The following PITPNC1 variants were observed in gnomAD, a reference collection of about 807,000 sequenced individuals.
PITPNC1 encodes cytoplasmic phosphatidylinositol transfer protein 1.
PITPNC1 carries 18 observed loss-of-function variants against 44.7 expected under a neutral mutation model. The ratio of observed to expected loss-of-function variants is 0.40; its 90% CI spans 0.28 to 0.60. PITPNC1 has a LOEUF of 0.60. PITPNC1 is among the 20% of genes least tolerant of loss of function. The pLI, the probability that PITPNC1 is intolerant of heterozygous loss-of-function variation, is 0.39. For missense variants in PITPNC1, 290 were observed against 418.4 expected, an observed-to-expected ratio of 0.69 and a Z score of 2.68; for synonymous variants, 141 against 149.6, an observed-to-expected ratio of 0.94 and a Z score of 0.42.
intron 6 of PITPNC1, among the ~76,000 whole-genome samples, chr17:67,635,214 TTA>T (rs1231344626): frequency 2.0e-5 from 3 of 152,104 alleles, no homozygotes; most frequent in African/African-American, 7.2e-5. Flanking sequence ...CTATTGTGAT[TTA>T]TATTGTCGGT....
At chr17:67,566,693 T>C (rs2040985165) in intron 4 of PITPNC1, among the ~76,000 whole-genome samples, 1 of 152,308 alleles carries the variant, frequency 6.6e-6, no homozygotes, top group South Asian at 2.1e-4. Flanking sequence ...TTTTCCTGAT[T>C]TGGGTTTGTT....
At chr17:67,543,992 A>G (rs1217478405) in intron 2 of PITPNC1, among the ~76,000 whole-genome samples, 1 of 152,198 alleles carries the variant, frequency 6.6e-6, no homozygotes, top group East Asian at 1.9e-4. Context: ...CTGGGATTAT[A>G]GACACCTGCT....
intron 1 of PITPNC1, among the ~76,000 whole-genome samples, chr17:67,428,372 A>G (rs73338125): frequency 0.042 from 6,419 of 151,790 alleles, 460 homozygotes; most frequent in African/African-American, 0.15. Flanking sequence ...CCATCTTTTT[A>G]AAAAATAAAA....
At chr17:67,475,724 G>A (rs1337919713) in intron 1 of PITPNC1, among the ~76,000 whole-genome samples, 1 of 152,218 alleles carries the variant, frequency 6.6e-6, no homozygotes, top group Non-Finnish European at 1.5e-5. Flanking sequence ...GACTGGAAGG[G>A]GAGGGAATGC....
At chr17:67,641,866 G>A (rs1785305314) in intron 6 of PITPNC1, among the ~76,000 whole-genome samples, 1 of 151,644 alleles carries the variant, frequency 6.6e-6, no homozygotes, top group Non-Finnish European at 1.5e-5. Flanking sequence ...TTCTCCATTT[G>A]ATGGACATTT....
intron 4 of PITPNC1, among the ~76,000 whole-genome samples, chr17:67,575,688 A>T (rs2041131308): frequency 2.0e-5 from 3 of 152,086 alleles, no homozygotes; most frequent in Admixed American, 6.5e-5. Context: ...CTCAGCATAC[A>T]CTGGAGGGCT....
At chr17:67,442,184 C>T (rs2039020720) in intron 1 of PITPNC1, among the ~76,000 whole-genome samples, 1 of 125,340 alleles carries the variant, frequency 8.0e-6, no homozygotes, top group East Asian at 2.5e-4. Flanking sequence ...CATATTGGAG[C>T]TGGATCAGGG....
intron 5 of PITPNC1, among the ~76,000 whole-genome samples, chr17:67,582,252 T>G (rs2041245097): frequency 6.6e-6 from 1 of 152,072 alleles, no homozygotes; most frequent in Admixed American, 6.6e-5. Flanking sequence ...GAGTTTTTGG[T>G]GGGAGGCAGA....
rs575386551 is a variant in PITPNC1 at position 67,642,339 on chromosome 17, C to T, written c.462+10101C>T. ...CCGTGCAAGGGGACTCTACCTGTGA[C>T]CTCACCAGAGGGGCTGACTGTCTTG... is the stretch of plus-strand genomic sequence containing the variant. On this transcript the variant is annotated intron_variant, in intron 6 of 8. Coordinates refer to ENST00000581322, the MANE Select transcript of PITPNC1 (RefSeq NM_012417.4). Among the ~76,000 whole-genome samples, 3 of 152,234 alleles carry T rather than the reference C, an allele frequency of 2.0e-5. No individual in the cohort carries two copies. In the South Asian group the frequency reaches 6.2e-4, roughly 32 times the overall value.
At chr17:67,450,357 G>A (rs951041654) in intron 1 of PITPNC1, among the ~76,000 whole-genome samples, 3 of 144,586 alleles carry the variant, frequency 2.1e-5, no homozygotes, top group Non-Finnish European at 4.6e-5. Context: ...CCTCCTGAAG[G>A]TGCACGGGAG....
intron 1 of PITPNC1, among the ~76,000 whole-genome samples, chr17:67,473,982 CA>C (rs1258940741): frequency 6.6e-6 from 1 of 152,182 alleles, no homozygotes; most frequent in African/African-American, 2.4e-5. Context: ...TTATTTATAT[CA>C]GTGTGGACTC....
chr17:67,513,440 CATATATGTATATAT>C (rs1164445428), intron 1 of PITPNC1, among the ~76,000 whole-genome samples: 4 of 140,328 alleles, frequency 2.9e-5, no homozygotes, highest in African/African-American at 8.1e-5. Flanking sequence ...TATGTATATA[CATATATGTATATAT>C]ACATATACTA....
intron 1 of PITPNC1, among the ~76,000 whole-genome samples, chr17:67,517,342 C>A (rs2040272184): frequency 6.6e-6 from 1 of 152,202 alleles, no homozygotes; most frequent in Non-Finnish European, 1.5e-5. Flanking sequence ...TGAGATGTTG[C>A]AGCTGCTATG....
chr17:67,636,637 C>A (rs1315626299), intron 6 of PITPNC1, among the ~76,000 whole-genome samples: 1 of 152,130 alleles, frequency 6.6e-6, no homozygotes, highest in African/African-American at 2.4e-5. Flanking sequence ...AAAGCATTCC[C>A]CCAGGGGCGA....
intron 1 of PITPNC1, among the ~76,000 whole-genome samples, chr17:67,464,213 T>C (rs2039390048): frequency 6.6e-6 from 1 of 151,266 alleles, no homozygotes; most frequent in Non-Finnish European, 1.5e-5. Context: ...AAAAAAATGA[T>C]ATTTTCTGTG....
intron 6 of PITPNC1, among the ~76,000 whole-genome samples, chr17:67,653,398 C>T (rs2042230194): frequency 6.6e-6 from 1 of 152,194 alleles, no homozygotes. Flanking sequence ...AAGGAACGCC[C>T]AGGGGAAAGG....
At chr17:67,464,928 G>A (rs1323557477) in intron 1 of PITPNC1, among the ~76,000 whole-genome samples, 2 of 152,094 alleles carry the variant, frequency 1.3e-5, no homozygotes, top group African/African-American at 2.4e-5. Context: ...TATTAGAGAT[G>A]GGGTTTCACT....
In PITPNC1 at chr17:67,573,896, C is replaced by T. The variant is rs560595051; in HGVS notation, c.295-4290C>T. Among the ~76,000 whole-genome samples, 193 of 152,182 alleles carry T rather than the reference C, an allele frequency of 1.3e-3. 3 individuals carry two copies. In the South Asian group the frequency reaches 0.038, roughly 30 times the overall value. ...CTTTTAATAAGTTTTTTTATGAAGA[C>T]AGAAAGAGATACGGAATTGATTATA... On this transcript the variant is annotated intron_variant, in intron 4 of 8. Transcript: ENST00000581322.
At chr17:67,399,716 A>C (rs2038278683) in intron 1 of PITPNC1, among the ~76,000 whole-genome samples, 1 of 152,198 alleles carries the variant, frequency 6.6e-6, no homozygotes, top group African/African-American at 2.4e-5. Flanking sequence ...TTACCCCTGA[A>C]AACAGGCATA....
Sources: allele counts gnomAD v4.1 joint callset (sites outside exome capture counted in the v4.1 genomes callset), GRCh38; gene constraint gnomAD v4.1.1; transcripts MANE v1.5; gene names NCBI Gene and HGNC (gene_info 2026-07-23, HGNC 2026-07-21).